Variants in SHLD2 observed in about 807,000 individuals in gnomAD.
SHLD2 encodes the protein shieldin complex subunit 2.
In SHLD2, 30 loss-of-function variants were observed where a neutral mutation model predicts 73.2. The ratio of observed to expected loss-of-function variants is 0.41; its 90% CI spans 0.31 to 0.56. The LOEUF (loss-of-function observed/expected upper bound fraction) is 0.56. Among genes scored for constraint, SHLD2 ranks in the 20% least tolerant of loss-of-function variants. The probability of loss-of-function intolerance (pLI) is 0.28; values close to 1 mark genes in which losing one functional copy is unlikely to be tolerated. For missense variants in SHLD2, 745 were observed against 1,055.9 expected (o/e 0.71, Z 4.08); for synonymous variants, 285 against 370.1 (o/e 0.77, Z 2.64).
At chr10:87,133,864 A>C (rs1330181714) in intron 2 of SHLD2, among the ~76,000 whole-genome samples, 2 of 152,256 alleles carry the variant, frequency 1.3e-5, no homozygotes, top group Non-Finnish European at 2.9e-5. Flanking sequence ...TTAAACTTAT[A>C]ATTTATAAAG....
In SHLD2 at chr10:87,095,221, C is replaced by A. The variant is rs1841724191; in HGVS notation, c.-89C>A. The A allele has an allele frequency of 6.8e-6, 1 of 147,730 alleles. No homozygotes were observed. The highest frequency in any genetic ancestry group is 2.1e-4 in the East Asian group (1 of 4,872). 9.2% of individuals were successfully genotyped at this position (147,730 alleles called of 1,614,324 possible). On this transcript the variant is annotated 5_prime_UTR_variant, in exon 1 of 10. Transcript: ENST00000298786. ...ACGGGCGGCCGGATTTGCCCGGAGG[C>A]CGCACCCGCCTCCGGCGGGGCTCTC...
At chr10:87,190,110 G>T (rs1848952958) in intron 9 of SHLD2, among the ~76,000 whole-genome samples, 1 of 152,240 alleles carries the variant, frequency 6.6e-6, no homozygotes, top group Non-Finnish European at 1.5e-5. Flanking sequence ...CCAGGCTGGA[G>T]TGCAGTGGCA....
chr10:87,176,662 C>T (rs1253749371), intron 7 of SHLD2, among the ~76,000 whole-genome samples: 2 of 152,176 alleles, frequency 1.3e-5, no homozygotes, highest in African/African-American at 4.8e-5. Flanking sequence ...TTTATCTTGG[C>T]CAAATGCCAG....
intron 2 of SHLD2, among the ~76,000 whole-genome samples, chr10:87,121,387 T>C (rs1843606955): frequency 6.6e-6 from 1 of 152,028 alleles, no homozygotes; most frequent in South Asian, 2.1e-4. Flanking sequence ...GGCCTCACAG[T>C]GTTGGGATTA....
At chr10:87,094,815 G>C, upstream of SHLD2, 1 of 1,442,960 alleles carries the variant, frequency 6.9e-7, no homozygotes, top group East Asian at 2.8e-5. The surrounding 1 kb of genome is among the most constrained non-coding windows in gnomAD (Gnocchi z 6.6). Flanking sequence ...AAACAGGCGC[G>C]CTTTCTCAGA....
chr10:87,142,012 CAG>C (rs1845229231), intron 2 of SHLD2, among the ~76,000 whole-genome samples: 1 of 139,712 alleles, frequency 7.2e-6, no homozygotes. Flanking sequence ...GCCTGGGCAA[CAG>C]AGCAAGACTC....
Position 87,190,348 on chromosome 10 carries a change from C to T in SHLD2, c.2516-136C>T, listed in dbSNP as rs12248334. 2,333 of 781,512 alleles carry T rather than the reference C, an allele frequency of 3.0e-3. 41 individuals are homozygous for T. The African/African-American group carries it at 0.036, about 12-fold the overall frequency. 48.4% of individuals were successfully genotyped at this position (781,512 alleles called of 1,614,324 possible). On this transcript the variant is annotated intron_variant, in intron 9 of 9. Coordinates refer to ENST00000298786, the MANE Select transcript of SHLD2 (RefSeq NM_001330112.2). ...TGCTGGGATTACAGGTGTGAGCCACCGCTACTGGACGGGAGGAGAAATTTA... is the reference window on the plus strand; with the variant it reads ...TGCTGGGATTACAGGTGTGAGCCACTGCTACTGGACGGGAGGAGAAATTTA...
chr10:87,184,023 A>G (rs1263696191), intron 8 of SHLD2, among the ~76,000 whole-genome samples: 1 of 152,202 alleles, frequency 6.6e-6, no homozygotes, highest in Non-Finnish European at 1.5e-5. Context: ...CAGGTATCAA[A>G]TTCTTTGCTT....
chr10:87,130,836 C>T (rs922720461), intron 2 of SHLD2, among the ~76,000 whole-genome samples: 6 of 152,150 alleles, frequency 3.9e-5, no homozygotes, highest in African/African-American at 1.2e-4. Context: ...TTTGGGAGGT[C>T]GAGGCAGGTA....
At position 87,170,523 on chromosome 10, in the gene SHLD2, A is replaced by G. The variant is rs532872611; in HGVS notation, c.1679A>G (p.Tyr560Cys). The part of the protein sequence containing the change: ...SEVVLQDLLA[Y>C]VSSKHSYLRD... ...GTTGTACTTCAAGACTTACTGGCAT[A>G]TGTGTCCTCAAAACATTCCTACCTC... The change falls in exon 5 of 10, where the codon TAT becomes TGT. Residue 560 changes from tyrosine to cysteine, a missense_variant. Tyr to Cys is a radical substitution (Grantham distance 194). Transcript: ENST00000298786. 29 of 1,611,824 alleles carry G rather than the reference A, an allele frequency of 1.8e-5. No individual in the cohort carries two copies. Among genetic ancestry groups the G allele is most frequent in the Non-Finnish European group, 2.4e-5 (28 of 1,179,176 alleles).
intron 2 of SHLD2, among the ~76,000 whole-genome samples, chr10:87,148,830 A>G (rs1450362112): frequency 6.6e-6 from 1 of 151,872 alleles, no homozygotes; most frequent in Non-Finnish European, 1.5e-5. Flanking sequence ...AGAATTCATT[A>G]TCATGGTAAT....
At chr10:87,181,687 TG>T (rs1848322629) in intron 8 of SHLD2, among the ~76,000 whole-genome samples, 1 of 151,938 alleles carries the variant, frequency 6.6e-6, no homozygotes. Context: ...ACATTAAAGA[TG>T]TAGTGCTAGT....
chr10:87,094,708 G>C, upstream of SHLD2: 1 of 1,504,674 alleles, frequency 6.6e-7, no homozygotes. This position sits in a 1 kb window ranked among gnomAD's most constrained non-coding sequence, Gnocchi z 6.6. Flanking sequence ...GGCGGACGCC[G>C]AGCCCAGGGC....
At chr10:87,157,485 T>A (rs1158229592) in intron 3 of SHLD2, among the ~76,000 whole-genome samples, 3 of 152,228 alleles carry the variant, frequency 2.0e-5, no homozygotes, top group Admixed American at 6.5e-5. Flanking sequence ...TTCTACTCTA[T>A]CCGTCTTAGA....
intron 2 of SHLD2, among the ~76,000 whole-genome samples, chr10:87,124,685 C>G (rs965727847): frequency 2.0e-5 from 3 of 150,436 alleles, no homozygotes; most frequent in Non-Finnish European, 4.4e-5. Flanking sequence ...TTTGTTTTAA[C>G]AAATATTTAT....
chr10:87,163,337 A>G (rs1050420575), intron 4 of SHLD2, among the ~76,000 whole-genome samples: 2 of 152,172 alleles, frequency 1.3e-5, no homozygotes, highest in African/African-American at 4.8e-5. Flanking sequence ...GGTCACCTAC[A>G]GGGGGCACAT....
At chr10:87,140,916 C>T (rs1027658625) in intron 2 of SHLD2, among the ~76,000 whole-genome samples, 13 of 151,942 alleles carry the variant, frequency 8.6e-5, no homozygotes, top group African/African-American at 1.7e-4. Context: ...GTCAAGGCTG[C>T]GGTAAGCCAT....
chr10:87,111,640 C>CAAAA (rs972282870), intron 2 of SHLD2, among the ~76,000 whole-genome samples: 131 of 66,826 alleles, frequency 2.0e-3, no homozygotes, highest in African/African-American at 7.4e-3. Flanking sequence ...GAGTCTGTCT[C>CAAAA]AAAAAAAAAA....
chr10:87,123,121 T>C (rs561922444), intron 2 of SHLD2, among the ~76,000 whole-genome samples: 42 of 152,138 alleles, frequency 2.8e-4, no homozygotes, highest in Non-Finnish European at 4.9e-4. Context: ...CCATGTTGGC[T>C]AGGCTGGTCT....
Sources: gnomAD v4.1 joint callset for allele counts (sites outside exome capture counted in the v4.1 genomes callset) on GRCh38, gnomAD v4.1.1 for gene constraint, Gnocchi (gnomAD v3.1) non-coding constraint, MANE v1.5 for transcripts, NCBI Gene and HGNC (gene_info 2026-07-23, HGNC 2026-07-21) for gene names.